The following NCAM2 variants were observed in gnomAD, a reference collection of about 807,000 sequenced individuals.
NCAM2 encodes N-CAM-2.
A neutral mutation model predicts 98.1 loss-of-function variants in NCAM2; 30 were observed. The observed-to-expected ratio is 0.31, with a 90% CI of 0.23 to 0.41. The LOEUF is 0.41. Among genes scored for constraint, NCAM2 ranks in the 10% least tolerant of loss-of-function variants. NCAM2 has a pLI of 1.00. For synonymous variants in NCAM2, 368 were observed against 342.4 expected, an observed-to-expected ratio of 1.07 and a Z score of -0.83; for missense variants, 867 against 1,005.8, an observed-to-expected ratio of 0.86 and a Z score of 1.87.
intron 15 of NCAM2, among the ~76,000 whole-genome samples, chr21:21,486,501 G>A (rs1986402062): frequency 6.6e-6 from 1 of 151,996 alleles, no homozygotes; most frequent in African/African-American, 2.4e-5. Flanking sequence ...TGAGACTGAA[G>A]AGTTTATATT....
chr21:21,398,160 G>A (rs2076554058), intron 9 of NCAM2, among the ~76,000 whole-genome samples: 1 of 152,194 alleles, frequency 6.6e-6, no homozygotes, highest in African/African-American at 2.4e-5. Flanking sequence ...CGTAACTCAG[G>A]AATGGAATGC....
intron 15 of NCAM2, among the ~76,000 whole-genome samples, chr21:21,494,933 GTTTC>G (rs1432453404): frequency 2.6e-5 from 4 of 151,258 alleles, no homozygotes; most frequent in East Asian, 1.9e-4. Context: ...GCACAGCTCA[GTTTC>G]TTTCTTTTTC....
intron 1 of NCAM2, among the ~76,000 whole-genome samples, chr21:21,053,515 A>G (rs983783363): frequency 6.6e-6 from 1 of 151,728 alleles, no homozygotes; most frequent in Admixed American, 6.6e-5. Flanking sequence ...TCTGAAGGTC[A>G]ACTTTGTAGA....
At chr21:21,529,215 C>T (rs888808019) in intron 16 of NCAM2, among the ~76,000 whole-genome samples, 2 of 152,004 alleles carry the variant, frequency 1.3e-5, no homozygotes, top group East Asian at 3.9e-4. Flanking sequence ...ACCCGCTCCT[C>T]AATTTTAGCT....
chr21:21,482,375 CAT>C (rs1034236652), intron 15 of NCAM2, among the ~76,000 whole-genome samples: 24 of 152,016 alleles, frequency 1.6e-4, no homozygotes, highest in African/African-American at 5.5e-4. Flanking sequence ...TAAATTCAAA[CAT>C]ATTAGAAATA....
intron 1 of NCAM2, among the ~76,000 whole-genome samples, chr21:21,153,111 T>G (rs2067496275): frequency 6.6e-6 from 1 of 151,762 alleles, no homozygotes; most frequent in South Asian, 2.1e-4. Context: ...TTTAGTTGTT[T>G]AGATGAAAGG....
intron 7 of NCAM2, among the ~76,000 whole-genome samples, chr21:21,337,142 G>A (rs1447186208): frequency 6.6e-6 from 1 of 152,058 alleles, no homozygotes; most frequent in Non-Finnish European, 1.5e-5. Context: ...AAATAGTATT[G>A]TGTGAGATTA....
At chr21:21,368,061 TTTA>T (rs1280223851) in intron 8 of NCAM2, among the ~76,000 whole-genome samples, 1 of 151,890 alleles carries the variant, frequency 6.6e-6, no homozygotes, top group Non-Finnish European at 1.5e-5. Context: ...TACTTAAAGC[TTTA>T]TTATCATAAT....
intron 1 of NCAM2, among the ~76,000 whole-genome samples, chr21:21,233,256 T>G (rs2070698733): frequency 6.6e-6 from 1 of 151,610 alleles, no homozygotes; most frequent in African/African-American, 2.4e-5. Flanking sequence ...TTTTTTGCCT[T>G]GGAAACATCC....
intron 15 of NCAM2, among the ~76,000 whole-genome samples, chr21:21,490,760 T>A (rs542404382): frequency 6.6e-6 from 1 of 151,980 alleles, no homozygotes; most frequent in East Asian, 1.9e-4. Context: ...AAAGTACTTC[T>A]GATCATTTAA....
intron 15 of NCAM2, among the ~76,000 whole-genome samples, chr21:21,490,156 CAGTAA>C (rs1986728999): frequency 6.6e-6 from 1 of 151,864 alleles, no homozygotes. Flanking sequence ...CCTGAACTGT[CAGTAA>C]ATGTTGCACA....
intron 15 of NCAM2, among the ~76,000 whole-genome samples, chr21:21,491,691 A>AT (rs1406752334): frequency 6.6e-6 from 1 of 151,612 alleles, no homozygotes; most frequent in Non-Finnish European, 1.5e-5. Flanking sequence ...CATTTTCAGG[A>AT]TTTTGGATTG....
In NCAM2 at chr21:21,410,356, G is replaced by T. The variant is rs766563778; in HGVS notation, c.1278G>T (p.Ser426=). The T allele has an allele frequency of 6.2e-7, 1 of 1,601,130 alleles. No homozygotes were observed. Among genetic ancestry groups the T allele is most frequent in the Non-Finnish European group, 8.5e-7 (1 of 1,172,680 alleles). ...NPINISCDVK[S]NPPASIHWRR... is the part of the protein sequence containing the mutation. ...TCAATATAAGTTGTGATGTGAAATCGAATCCACCAGCATCAATTCACTGGA... is the reference window on the plus strand; with the variant it reads ...TCAATATAAGTTGTGATGTGAAATCTAATCCACCAGCATCAATTCACTGGA... Residue 426 remains serine, a synonymous_variant, in exon 10 of 18, where the codon TCG becomes TCT. Coordinates refer to ENST00000400546, the MANE Select transcript of NCAM2 (RefSeq NM_004540.5).
chr21:21,279,362 T>C (rs549387410), intron 1 of NCAM2, among the ~76,000 whole-genome samples: 210 of 152,192 alleles, frequency 1.4e-3, no homozygotes, highest in African/African-American at 4.9e-3. Flanking sequence ...GTGTTCTTTT[T>C]TGTTTTTGTT....
At chr21:21,394,259 C>A (rs971259315) in intron 9 of NCAM2, among the ~76,000 whole-genome samples, 1 of 152,070 alleles carries the variant, frequency 6.6e-6, no homozygotes, top group Non-Finnish European at 1.5e-5. Context: ...GCTTTTTCTA[C>A]ATATGACAGA....
At chr21:21,264,678 CAT>C (rs999347393) in intron 1 of NCAM2, among the ~76,000 whole-genome samples, 3 of 149,116 alleles carry the variant, frequency 2.0e-5, no homozygotes, top group Non-Finnish European at 4.5e-5. Flanking sequence ...CACACACACA[CAT>C]ATATACACAC....
intron 1 of NCAM2, among the ~76,000 whole-genome samples, chr21:21,083,930 A>C (rs1322546384): frequency 6.6e-6 from 1 of 152,144 alleles, no homozygotes; most frequent in Non-Finnish European, 1.5e-5. Context: ...TCGTTTGTGT[A>C]TATGTTGGGG....
At chr21:21,511,799 G>A (rs1433687328) in intron 16 of NCAM2, among the ~76,000 whole-genome samples, 1 of 151,812 alleles carries the variant, frequency 6.6e-6, no homozygotes, top group African/African-American at 2.4e-5. Context: ...TTTTAACTGG[G>A]ATGAGATGAT....
intron 1 of NCAM2, among the ~76,000 whole-genome samples, chr21:21,083,666 C>T (rs781043394): frequency 1.7e-3 from 257 of 152,190 alleles, no homozygotes; most frequent in African/African-American, 4.1e-3. Flanking sequence ...TTGCCCACCC[C>T]GGCATCCCAA....
Sources: allele counts gnomAD v4.1 joint callset (sites outside exome capture counted in the v4.1 genomes callset), GRCh38; gene constraint gnomAD v4.1.1; transcripts MANE v1.5; gene names NCBI Gene and HGNC (gene_info 2026-07-23, HGNC 2026-07-21).